The following HSF2BP variants were observed in gnomAD, a reference collection of about 807,000 sequenced individuals.
HSF2BP encodes the protein heat shock factor 2-binding protein.
A neutral mutation model predicts 35.0 loss-of-function variants in HSF2BP; 35 were observed. The observed-to-expected ratio is 1.00, with a 90% confidence interval of 0.76 to 1.32. The LOEUF (loss-of-function observed/expected upper bound fraction) is 1.32, where lower values mean the gene tolerates loss of function less well. Among genes scored for constraint, HSF2BP ranks in the 40% most tolerant of loss-of-function variants. The pLI is 0.00. For missense variants in HSF2BP, 326 were observed against 321.7 expected, an observed-to-expected ratio of 1.01 and a Z score of -0.10; for synonymous variants, 114 against 117.4, an observed-to-expected ratio of 0.97 and a Z score of 0.18.
At chr21:43,636,034 A>AC (rs2082548781) in intron 4 of HSF2BP, among the ~76,000 whole-genome samples, 1 of 145,716 alleles carries the variant, frequency 6.9e-6, no homozygotes, top group African/African-American at 2.6e-5. Context: ...CCATAGTGAG[A>AC]CCCCATCTCT....
intron 2 of HSF2BP, among the ~76,000 whole-genome samples, chr21:43,657,113 G>A (rs762748496): frequency 6.6e-5 from 10 of 152,216 alleles, no homozygotes; most frequent in Non-Finnish European, 1.2e-4. Flanking sequence ...GCTCACGCCT[G>A]TAATCCCAGC....
At chr21:43,634,724 A>T (rs2147031578) in intron 4 of HSF2BP, among the ~76,000 whole-genome samples, 1 of 152,286 alleles carries the variant, frequency 6.6e-6, no homozygotes, top group East Asian at 1.9e-4. Context: ...ATGGCCACTG[A>T]GCCTCTGGCA....
At chr21:43,594,274 GA>G (rs2081959146) in intron 7 of HSF2BP, among the ~76,000 whole-genome samples, 1 of 152,178 alleles carries the variant, frequency 6.6e-6, no homozygotes, top group Non-Finnish European at 1.5e-5. Flanking sequence ...GACGTTGGAA[GA>G]ATGTTCTGAG....
chr21:43,600,007 AT>A (rs2082033014), intron 7 of HSF2BP, among the ~76,000 whole-genome samples: 1 of 152,174 alleles, frequency 6.6e-6, no homozygotes, highest in African/African-American at 2.4e-5. Flanking sequence ...CACATCTGAC[AT>A]TTAAAAGGAC....
the HSF2BP span, among the ~76,000 whole-genome samples, chr21:43,505,522 G>A: frequency 2.1e-5 from 2 of 97,270 alleles, 1 homozygote; most frequent in Non-Finnish European, 4.0e-5. Flanking sequence ...GCTCCCAACA[G>A]AACTGCCCTG....
At chr21:43,642,961 C>T (rs776467593) in intron 4 of HSF2BP, among the ~76,000 whole-genome samples, 36 of 152,098 alleles carry the variant, frequency 2.4e-4, no homozygotes, top group Admixed American at 1.2e-3. Context: ...AACCGCCCAC[C>T]CTGGCCTCCC....
At chr21:43,604,503 TAC>T (rs1406278283) in intron 7 of HSF2BP, among the ~76,000 whole-genome samples, 29 of 49,164 alleles carry the variant, frequency 5.9e-4, no homozygotes, top group African/African-American at 2.4e-3. Context: ...CACCACACAC[TAC>T]ACACACTATA....
At chr21:43,656,098 A>G (rs1016991359) in intron 3 of HSF2BP, among the ~76,000 whole-genome samples, 12 of 152,214 alleles carry the variant, frequency 7.9e-5, no homozygotes, top group Admixed American at 2.0e-4. Context: ...GGTATTCAAC[A>G]TAACAGCTCA....
chr21:43,585,614 C>T (rs946397241), intron 8 of HSF2BP, among the ~76,000 whole-genome samples: 1 of 151,672 alleles, frequency 6.6e-6, no homozygotes, highest in Admixed American at 6.6e-5. Flanking sequence ...CCACTGCACT[C>T]CAGCCTGGGC....
In HSF2BP at chr21:43,593,203, C is replaced by T. The variant is rs931796770; in HGVS notation, c.693-875G>A. Among the ~76,000 whole-genome samples the T allele has an allele frequency of 3.3e-4, 50 of 152,234 alleles. 1 individual carries two copies. The highest frequency in any genetic ancestry group is 1.0e-3 in the African/African-American group (43 of 41,526). ...CCGAGCGAAAAGCCTCAGAGAGACA[C>T]GGACATTCATTTCACAGGCCCTGCA... is the stretch of plus-strand genomic sequence containing the variant. On this transcript the variant is annotated intron_variant, in intron 7 of 8. Transcript: ENST00000291560.
rs114547478 is a variant in HSF2BP, at chr21:43,576,970, C to T, written c.796+15255G>A. Among the ~76,000 whole-genome samples, 1,010 of 152,276 alleles carry T rather than the reference C, an allele frequency of 6.6e-3. 16 individuals are homozygous for T. Among genetic ancestry groups the T allele is most frequent in the African/African-American group, 0.023 (961 of 41,542 alleles). On this transcript the variant is annotated intron_variant, in intron 8 of 8. Coordinates refer to ENST00000291560, the MANE Select transcript of HSF2BP (RefSeq NM_007031.2). ...GTTCAACCTAAGCCTATCACCAGTGCCTGTGCTGGGTACTCTATGTAGGTC... is the reference window on the plus strand; with the variant it reads ...GTTCAACCTAAGCCTATCACCAGTGTCTGTGCTGGGTACTCTATGTAGGTC...
chr21:43,601,766 G>C (rs890463503), intron 7 of HSF2BP, among the ~76,000 whole-genome samples: 1 of 152,150 alleles, frequency 6.6e-6, no homozygotes, highest in African/African-American at 2.4e-5. Context: ...ATCTGGAAAT[G>C]ATGAGGACTC....
chr21:43,658,555 G>A (rs921121629), intron 1 of HSF2BP, among the ~76,000 whole-genome samples: 6 of 152,274 alleles, frequency 3.9e-5, no homozygotes, highest in Non-Finnish European at 7.4e-5. Context: ...AGACAACTGA[G>A]CGGAGCAACT....
At chr21:43,600,355 C>T (rs190045116) in intron 7 of HSF2BP, among the ~76,000 whole-genome samples, 3 of 152,294 alleles carry the variant, frequency 2.0e-5, no homozygotes, top group Admixed American at 6.5e-5. Flanking sequence ...AAGTTCACTG[C>T]TCAGAAACAA....
At chr21:43,588,823 G>A (rs1836986128) in intron 8 of HSF2BP, among the ~76,000 whole-genome samples, 1 of 152,172 alleles carries the variant, frequency 6.6e-6, no homozygotes, top group Admixed American at 6.5e-5. Flanking sequence ...CTGATTCTAT[G>A]ATTCTTGAGA....
chr21:43,616,528 A>G (rs2146935762), intron 6 of HSF2BP, among the ~76,000 whole-genome samples: 1 of 152,268 alleles, frequency 6.6e-6, no homozygotes, highest in South Asian at 2.1e-4. Context: ...CCGTAATCCT[A>G]GTTACTTGGG....
chr21:43,639,583 T>C (rs1385853710), intron 4 of HSF2BP, among the ~76,000 whole-genome samples: 1 of 152,104 alleles, frequency 6.6e-6, no homozygotes, highest in African/African-American at 2.4e-5. Context: ...AAATGCAAAT[T>C]AAAACCACAA....
the HSF2BP span, among the ~76,000 whole-genome samples, chr21:43,459,452 C>T: frequency 2.1e-5 from 2 of 93,518 alleles, 1 homozygote; most frequent in Non-Finnish European, 4.4e-5. Context: ...AGTCCCCTTC[C>T]GGTCTTTAGC....
At chr21:43,496,169 T>C in the HSF2BP span, among the ~76,000 whole-genome samples, 65 of 128,628 alleles carry the variant, frequency 5.1e-4, 14 homozygotes, top group Non-Finnish European at 9.3e-4. Flanking sequence ...CACACACACA[T>C]CTGCTAAAAC....
Sources: gnomAD v4.1 joint callset for allele counts (sites outside exome capture counted in the v4.1 genomes callset) on GRCh38, gnomAD v4.1.1 for gene constraint, MANE v1.5 for transcripts, NCBI Gene and HGNC (gene_info 2026-07-23, HGNC 2026-07-21) for gene names.